The following SNX2 variants were observed in gnomAD, a reference collection of about 807,000 sequenced individuals.
The protein encoded by SNX2 is sorting nexin-2.
A neutral mutation model predicts 69.9 loss-of-function variants in SNX2; 25 were observed. The ratio of observed to expected loss-of-function variants is 0.36; its 90% CI spans 0.26 to 0.50. The LOEUF (loss-of-function observed/expected upper bound fraction) is 0.50. Among genes scored for constraint, SNX2 ranks in the 20% least tolerant of loss-of-function variants. SNX2 has a pLI of 0.97. For missense variants in SNX2, 551 were observed against 613.3 expected (o/e 0.90, Z 1.07); for synonymous variants, 229 against 200.4 (o/e 1.14, Z -1.20).
chr5:122,792,645 A>T (rs1753271351), intron 1 of SNX2, among the ~76,000 whole-genome samples: 1 of 152,160 alleles, frequency 6.6e-6, no homozygotes, highest in South Asian at 2.1e-4. Flanking sequence ...AAATATTGAT[A>T]CAATTTGCCT....
intron 11 of SNX2, 109 bp downstream of exon 11, chr5:122,819,132 A>G (rs1022007981): frequency 2.5e-6 from 2 of 789,394 alleles, no homozygotes; most frequent in African/African-American, 1.7e-5. Context: ...ACTAGCATGA[A>G]TAAAATGGCT....
intron 1 of SNX2, among the ~76,000 whole-genome samples, chr5:122,779,998 G>C (rs13162058): frequency 0.2 from 30,996 of 152,208 alleles, 3,588 homozygotes; most frequent in East Asian, 0.46. Flanking sequence ...GGAGAAAAGA[G>C]AACTTATGTA....
chr5:122,784,373 TCTC>T (rs761631318), intron 1 of SNX2, among the ~76,000 whole-genome samples: 4 of 152,042 alleles, frequency 2.6e-5, no homozygotes, highest in South Asian at 2.1e-4. Flanking sequence ...CAAATGAAGT[TCTC>T]CTCTGTTTCT....
intron 14 of SNX2, chr5:122,828,008 A>G (rs1253957979): frequency 5.9e-6 from 1 of 169,106 alleles, no homozygotes; most frequent in East Asian, 1.6e-4. Context: ...ATAGAACTTA[A>G]GCTAAACACT....
chr5:122,826,749 C>A, intron 12 of SNX2: 1 of 405,930 alleles, frequency 2.5e-6, no homozygotes, highest in Non-Finnish European at 3.3e-6. Context: ...CATTTCATTG[C>A]TTAAATCTTC....
intron 1 of SNX2, among the ~76,000 whole-genome samples, chr5:122,791,966 GTA>G (rs1399552995): frequency 1.3e-5 from 2 of 152,162 alleles, no homozygotes; most frequent in Admixed American, 1.3e-4. Flanking sequence ...CTCTATGGAA[GTA>G]TATAGGCCAA....
At chr5:122,820,938 G>A (rs1754010136) in intron 11 of SNX2, among the ~76,000 whole-genome samples, 1 of 152,144 alleles carries the variant, frequency 6.6e-6, no homozygotes, top group African/African-American at 2.4e-5. Flanking sequence ...GAACACATTT[G>A]TGGAAATACT....
In SNX2 at chr5:122,796,012, TA is replaced by T. The variant is rs1426902826; in HGVS notation, c.226+632del. On this transcript the variant is annotated intron_variant, in intron 2 of 14. Transcript: ENST00000379516. ...TTAATGACACAAAAAATGAAAATGG[TA>T]AATTTTATTTTGTGTGTTTAATAGC... Among the ~76,000 whole-genome samples the T allele has an allele frequency of 6.6e-5, 10 of 152,336 alleles. No individual in the cohort carries two copies. The East Asian group carries it at 1.9e-3, about 29-fold the overall frequency.
intron 5 of SNX2, among the ~76,000 whole-genome samples, chr5:122,802,970 G>A (rs1753551212): frequency 6.6e-6 from 1 of 152,162 alleles, no homozygotes; most frequent in South Asian, 2.1e-4. Context: ...TGAGGATGAG[G>A]ATGACAGTTG....
At chr5:122,775,582 AG>A (rs1450166705) in intron 1 of SNX2, 5 of 996,268 alleles carry the variant, frequency 5.0e-6, no homozygotes, top group African/African-American at 3.5e-5. Flanking sequence ...GCTCTTTTGA[AG>A]GGGTGCTCGC....
intron 1 of SNX2, among the ~76,000 whole-genome samples, chr5:122,791,853 T>A (rs80339668): frequency 0.019 from 2,966 of 152,236 alleles, 45 homozygotes; most frequent in South Asian, 0.034. Flanking sequence ...GAGTAAAGAG[T>A]AGTGAACAAG....
intron 9 of SNX2, 56 bp downstream of exon 9, chr5:122,817,084 G>A: frequency 1.5e-6 from 2 of 1,312,626 alleles, no homozygotes; most frequent in East Asian, 2.3e-5. Context: ...CCCAACAATT[G>A]CATTTTAAAG....
intron 7 of SNX2, 62 bp downstream of exon 7, chr5:122,808,417 C>T: frequency 8.5e-7 from 1 of 1,173,490 alleles, no homozygotes; most frequent in Non-Finnish European, 1.2e-6. Context: ...AATGTAATTC[C>T]ATTATATGGC....
At chr5:122,798,122 A>ATTGT (rs1347393756) in intron 2 of SNX2, among the ~76,000 whole-genome samples, 2 of 151,698 alleles carry the variant, frequency 1.3e-5, no homozygotes, top group Non-Finnish European at 2.9e-5. Context: ...TGTTTTGCTT[A>ATTGT]TTGTTGTAAA....
At chr5:122,803,905 A>G in intron 6 of SNX2, 1 of 203,140 alleles carries the variant, frequency 4.9e-6, no homozygotes. Context: ...TAGGGAGGCC[A>G]GGGTAGGAAG....
intron 6 of SNX2, among the ~76,000 whole-genome samples, chr5:122,807,942 G>T (rs1279220486): frequency 6.6e-6 from 1 of 152,112 alleles, no homozygotes; most frequent in East Asian, 1.9e-4. Context: ...TGTATATCGG[G>T]TTAGAAACAC....
rs1753352640 is a variant in SNX2 at position 122,795,326 on chromosome 5, A to G, written c.169A>G (p.Asn57Asp). Residue 57 changes from asparagine (N) to aspartate (D), a missense_variant, in exon 2 of 15, where the codon AAT becomes GAT. Physicochemically the swap from Asn to Asp is conservative, Grantham distance 23 (BLOSUM62 1). Transcript: ENST00000379516. The part of the protein sequence containing the change: ...LPAEDISANS[N>D]GPKPTEVVLD... ...TGCAGAAGATATTAGTGCAAACTCCAATGGCCCAAAACCCACAGAAGTTGT... is the reference window on the plus strand; with the variant it reads ...TGCAGAAGATATTAGTGCAAACTCCGATGGCCCAAAACCCACAGAAGTTGT... The G allele has an allele frequency of 6.2e-7, 1 of 1,613,898 alleles. No individual in the cohort carries two copies. The highest frequency in any genetic ancestry group is 8.5e-7 in the Non-Finnish European group (1 of 1,179,926).
At chr5:122,795,164 C>T (rs1405479634) in intron 1 of SNX2, 102 bp from the exon 2 acceptor site, 2 of 726,228 alleles carry the variant, frequency 2.8e-6, no homozygotes, top group African/African-American at 1.8e-5. Flanking sequence ...GTTCTTTCCT[C>T]CATTCTTTTC....
chr5:122,775,152 G>A lies in SNX2; in HGVS notation c.49G>A (p.Asp17Asn), dbSNP rs758482077. Reference protein sequence around the residue: ...PPPLGDGKPTDFEDLEDGEDL... With the variant: ...PPPLGDGKPTNFEDLEDGEDL... ...TCCGCTGGGGGACGGGAAGCCCACC[G>A]ACTTTGAGGATCTGGAGGACGGAGA... Residue 17 changes from aspartate (D) to asparagine (N), a missense_variant, in exon 1 of 15, where the codon GAC becomes AAC. Physicochemically the swap from Asp to Asn is conservative, Grantham distance 23. Around this residue, in one of 2 missense-constraint regions of SNX2, gnomAD observed 191 missense variants for 162.9 expected, o/e 1.17. Coordinates refer to ENST00000379516, the MANE Select transcript of SNX2 (RefSeq NM_003100.4). 6.3e-7 allele frequency: 1 copy of A among 1,597,014 alleles called. No homozygotes were observed. The highest frequency in any genetic ancestry group is 8.5e-7 in the Non-Finnish European group (1 of 1,173,422).
Sources: allele counts gnomAD v4.1 joint callset (sites outside exome capture counted in the v4.1 genomes callset), GRCh38; gene constraint gnomAD v4.1.1; regional missense constraint gnomAD v4.1.1; transcripts MANE v1.5; gene names NCBI Gene and HGNC (gene_info 2026-07-23, HGNC 2026-07-21).